Variants in CNTN4 observed in about 807,000 individuals in gnomAD.
CNTN4 encodes the protein contactin 4, also known as contactin-4.
CNTN4 carries 77 observed loss-of-function variants against 122.5 expected under a neutral mutation model. The ratio of observed to expected loss-of-function variants is 0.63; its 90% CI spans 0.52 to 0.76. CNTN4 has a LOEUF of 0.76. Among genes scored for constraint, CNTN4 ranks in the 30% least tolerant of loss-of-function variants. The pLI, the probability that CNTN4 is intolerant of heterozygous loss-of-function variation, is 0.00. For synonymous variants in CNTN4, 512 were observed against 447.0 expected, an observed-to-expected ratio of 1.15 and a Z score of -1.83; for missense variants, 1,256 against 1,259.1, an observed-to-expected ratio of 1.00 and a Z score of 0.04.
chr3:3,001,625 A>G (rs529362374), intron 14 of CNTN4, among the ~76,000 whole-genome samples: 1 of 152,312 alleles, frequency 6.6e-6, no homozygotes, highest in African/African-American at 2.4e-5. Context: ...ATTATCTTAT[A>G]GCTCTAAATC....
chr3:2,600,713 C>A (rs893503564), intron 4 of CNTN4, among the ~76,000 whole-genome samples: 6 of 152,226 alleles, frequency 3.9e-5, no homozygotes, highest in Admixed American at 2.0e-4. Context: ...TGGGTATATA[C>A]CCAGTAATGG....
chr3:2,749,816 C>T (rs1482164428), intron 6 of CNTN4, among the ~76,000 whole-genome samples: 1 of 152,126 alleles, frequency 6.6e-6, no homozygotes, highest in African/African-American at 2.4e-5. Flanking sequence ...AATCAAAAGA[C>T]ATTGCCTATA....
At chr3:3,024,641 G>T (rs142950502) in intron 14 of CNTN4, among the ~76,000 whole-genome samples, 180 of 152,018 alleles carry the variant, frequency 1.2e-3, no homozygotes, top group African/African-American at 4.1e-3. Flanking sequence ...AACAACAAAA[G>T]TATATCCCAC....
intron 3 of CNTN4, among the ~76,000 whole-genome samples, chr3:2,530,610 TA>T (rs2077563638): frequency 6.6e-6 from 1 of 152,088 alleles, no homozygotes; most frequent in South Asian, 2.1e-4. Context: ...ACCTGGCCTC[TA>T]TTTTCTTCTT....
chr3:2,512,619 T>G (rs1322469449), intron 3 of CNTN4, among the ~76,000 whole-genome samples: 1 of 152,250 alleles, frequency 6.6e-6, no homozygotes, highest in Non-Finnish European at 1.5e-5. Context: ...ACCTGTCTTT[T>G]TTTATTAAAA....
At chr3:2,171,767 C>A (rs2036526436) in intron 2 of CNTN4, among the ~76,000 whole-genome samples, 3 of 152,144 alleles carry the variant, frequency 2.0e-5, no homozygotes, top group African/African-American at 7.2e-5. Flanking sequence ...AAGAAAAGAT[C>A]ATTAGTATAC....
intron 4 of CNTN4, among the ~76,000 whole-genome samples, chr3:2,728,208 G>A (rs761917305): frequency 6.6e-6 from 1 of 152,162 alleles, no homozygotes; most frequent in Non-Finnish European, 1.5e-5. Context: ...CACTCTTACA[G>A]TATTTCATTT....
intron 4 of CNTN4, among the ~76,000 whole-genome samples, chr3:2,635,171 G>T (rs1377684936): frequency 1.3e-5 from 2 of 151,964 alleles, no homozygotes; most frequent in East Asian, 3.9e-4. Context: ...CCACCACTCT[G>T]GATAACTGTT....
intron 7 of CNTN4, among the ~76,000 whole-genome samples, chr3:2,822,761 G>C (rs1003352105): frequency 3.9e-5 from 6 of 152,138 alleles, no homozygotes; most frequent in Non-Finnish European, 8.8e-5. Flanking sequence ...CTTTCCCACA[G>C]AGAAATAGAT....
chr3:2,774,577 T>G lies in CNTN4; in HGVS notation c.358+28880T>G, dbSNP rs2091239924. Among the ~76,000 whole-genome samples the G allele has an allele frequency of 2.0e-5, 3 of 152,170 alleles. No homozygotes were observed. The South Asian group carries it at 6.2e-4, about 32-fold the overall frequency. Reference sequence around the variant, plus strand: ...CCTGTGAACTTTAGAAAACAATTGATAGCTTATGTATTTTCAGTTTTGGAA... The same window carrying G: ...CCTGTGAACTTTAGAAAACAATTGAGAGCTTATGTATTTTCAGTTTTGGAA... On this transcript the variant is annotated intron_variant, in intron 6 of 24. Transcript: ENST00000418658.
At chr3:2,781,767 C>CA (rs1410223460) in intron 6 of CNTN4, among the ~76,000 whole-genome samples, 6 of 132,178 alleles carry the variant, frequency 4.5e-5, no homozygotes, top group Non-Finnish European at 9.2e-5. Context: ...CTCTGTCGCC[C>CA]AGGCTGGAGG....
intron 3 of CNTN4, among the ~76,000 whole-genome samples, chr3:2,398,450 A>G (rs2320547): frequency 0.59 from 89,737 of 151,892 alleles, 26,970 homozygotes; most frequent in Admixed American, 0.65. Flanking sequence ...AATACTATTG[A>G]CCAACAGCTA....
intron 13 of CNTN4, among the ~76,000 whole-genome samples, chr3:2,964,428 T>C (rs901512197): frequency 9.8e-5 from 15 of 152,304 alleles, no homozygotes; most frequent in South Asian, 2.1e-4. Flanking sequence ...AACTCTTCCA[T>C]TCATTGATCT....
intron 3 of CNTN4, among the ~76,000 whole-genome samples, chr3:2,459,464 T>A (rs2049122762): frequency 6.6e-6 from 1 of 152,126 alleles, no homozygotes; most frequent in African/African-American, 2.4e-5. Context: ...CCCATCATTA[T>A]TCCATCTACA....
chr3:2,191,989 T>C (rs973670999), intron 2 of CNTN4, among the ~76,000 whole-genome samples: 1 of 152,038 alleles, frequency 6.6e-6, no homozygotes, highest in African/African-American at 2.4e-5. Context: ...GTTTGGTTTT[T>C]TGTCCTTGTG....
rs188031707 is a variant in CNTN4, at chr3:2,129,990, C to G, written c.-145+29351C>G. On this transcript the variant is annotated intron_variant, in intron 2 of 24. Transcript: ENST00000418658. ...CAGTTGCTTGCACCCAAAACTATTT[C>G]TACTGTGAACTGGAATACATCTTAA... Among the ~76,000 whole-genome samples, 55 of 152,042 alleles carry G rather than the reference C, an allele frequency of 3.6e-4. 1 individual carries two copies. The highest frequency in any genetic ancestry group is 1.2e-3 in the African/African-American group (51 of 41,490).
At chr3:2,617,203 C>A (rs532940959) in intron 4 of CNTN4, among the ~76,000 whole-genome samples, 1 of 152,058 alleles carries the variant, frequency 6.6e-6, no homozygotes, top group Admixed American at 6.6e-5. Context: ...AGTGAATAGG[C>A]AACCTACAGA....
chr3:2,471,149 G>A (rs966911572), intron 3 of CNTN4, among the ~76,000 whole-genome samples: 1 of 152,156 alleles, frequency 6.6e-6, no homozygotes, highest in African/African-American at 2.4e-5. Flanking sequence ...TTTGGAAGAG[G>A]TTATCGAGTT....
intron 6 of CNTN4, among the ~76,000 whole-genome samples, chr3:2,782,769 T>A (rs1298668196): frequency 2.6e-5 from 4 of 152,170 alleles, no homozygotes; most frequent in Non-Finnish European, 5.9e-5. Flanking sequence ...TGCTATTTAA[T>A]GTATAACAAA....
Sources: allele counts gnomAD v4.1 joint callset (sites outside exome capture counted in the v4.1 genomes callset), GRCh38; gene constraint gnomAD v4.1.1; transcripts MANE v1.5; gene names NCBI Gene and HGNC (gene_info 2026-07-23, HGNC 2026-07-21).